The following ERG variants were observed in gnomAD, a reference collection of about 807,000 sequenced individuals.
ERG encodes the protein ETS transcription factor ERG.
ERG carries 9 observed loss-of-function variants against 55.3 expected under a neutral mutation model. The ratio of observed to expected loss-of-function variants is 0.16; its 90% CI spans 0.10 to 0.28. The LOEUF is 0.28. ERG is among the 10% of genes least tolerant of loss of function. The probability of loss-of-function intolerance (pLI) is 1.00; values close to 1 mark genes in which losing one functional copy is unlikely to be tolerated. For synonymous variants in ERG, 223 were observed against 237.3 expected (o/e 0.94, Z 0.55); for missense variants, 434 against 631.6 (o/e 0.69, Z 3.35).
At chr21:38,367,423 G>A in the ERG span, among the ~76,000 whole-genome samples, 4 of 152,168 alleles carry the variant, frequency 2.6e-5, no homozygotes, top group East Asian at 1.9e-4. Context: ...GAGGTTACAC[G>A]AAGGCTTGAC....
At chr21:38,442,658 A>G (rs558152279) in intron 2 of ERG, among the ~76,000 whole-genome samples, 2 of 151,968 alleles carry the variant, frequency 1.3e-5, no homozygotes, top group Admixed American at 1.3e-4. Context: ...CCCAACCTGT[A>G]CCCCTGGGGT....
chr21:38,532,980 C>A (rs886932768), intron 2 of ERG, among the ~76,000 whole-genome samples: 2 of 152,198 alleles, frequency 1.3e-5, no homozygotes, highest in African/African-American at 4.8e-5. Flanking sequence ...GGCACTAGCT[C>A]TTTTTCACCT....
chr21:38,588,479 C>T (rs1010328626), upstream of ERG, among the ~76,000 whole-genome samples: 4 of 152,178 alleles, frequency 2.6e-5, no homozygotes, highest in Non-Finnish European at 4.4e-5. Context: ...AAGCTGAACA[C>T]ATCTGAGTAC....
chr21:38,485,310 G>A (rs1475771665), intron 1 of ERG, among the ~76,000 whole-genome samples: 1 of 152,022 alleles, frequency 6.6e-6, no homozygotes, highest in Non-Finnish European at 1.5e-5. Flanking sequence ...AAATATTTCT[G>A]TACAACTGAA....
chr21:38,537,695 A>G (rs942336943), intron 2 of ERG, among the ~76,000 whole-genome samples: 3 of 152,200 alleles, frequency 2.0e-5, no homozygotes, highest in African/African-American at 7.2e-5. Flanking sequence ...AGATATGGAA[A>G]AGTTGCAAAT....
chr21:38,448,301 T>G (rs566288583), intron 1 of ERG, among the ~76,000 whole-genome samples: 111 of 152,334 alleles, frequency 7.3e-4, no homozygotes, highest in Non-Finnish European at 1.4e-3. Flanking sequence ...ATCTTAAAAT[T>G]CTTCTCACAG....
At chr21:38,440,131 G>A (rs553310115) in intron 2 of ERG, among the ~76,000 whole-genome samples, 20 of 152,252 alleles carry the variant, frequency 1.3e-4, no homozygotes, top group Non-Finnish European at 2.8e-4. Flanking sequence ...TTGACTTCAA[G>A]TGGCATGTGC....
chr21:38,544,360 T>C (rs751927741), intron 2 of ERG, among the ~76,000 whole-genome samples: 2 of 152,130 alleles, frequency 1.3e-5, no homozygotes, highest in Non-Finnish European at 2.9e-5. Context: ...CGGCTCCCTG[T>C]GAAGAACAGA....
At chr21:38,401,603 G>A (rs902305041) in intron 5 of ERG, among the ~76,000 whole-genome samples, 9 of 152,242 alleles carry the variant, frequency 5.9e-5, no homozygotes, top group African/African-American at 1.9e-4. Context: ...GGAAAATTGC[G>A]TATTTCTATG....
intron 2 of ERG, among the ~76,000 whole-genome samples, chr21:38,534,052 C>T (rs1453232719): frequency 2.6e-5 from 4 of 152,158 alleles, no homozygotes; most frequent in Admixed American, 6.6e-5. Flanking sequence ...CTTATACTTA[C>T]ACTGCAACAA....
chr21:38,500,816 CA>C (rs2059415216), upstream of ERG, among the ~76,000 whole-genome samples: 1 of 152,096 alleles, frequency 6.6e-6, no homozygotes, highest in Admixed American at 6.5e-5. Flanking sequence ...TGCATACAAA[CA>C]TAAAAAGTGA....
intron 2 of ERG, among the ~76,000 whole-genome samples, chr21:38,439,742 A>G (rs558472728): frequency 1.3e-5 from 2 of 152,244 alleles, no homozygotes; most frequent in East Asian, 3.9e-4. Flanking sequence ...TTCTTTTATT[A>G]TGCTTTACAG....
intron 1 of ERG, among the ~76,000 whole-genome samples, chr21:38,639,061 G>A (rs971438573): frequency 6.6e-6 from 1 of 152,032 alleles, no homozygotes; most frequent in South Asian, 2.1e-4. Flanking sequence ...CCTTTCCACA[G>A]CTGACAACAG....
At chr21:38,551,985 C>T (rs1420492886) in intron 2 of ERG, among the ~76,000 whole-genome samples, 1 of 152,146 alleles carries the variant, frequency 6.6e-6, no homozygotes, top group Admixed American at 6.5e-5. Flanking sequence ...AAGTCTCTCA[C>T]TAGGTCCCTA....
chr21:38,377,348 C>T (rs1413638210), downstream of ERG, among the ~76,000 whole-genome samples: 2 of 152,332 alleles, frequency 1.3e-5, no homozygotes, highest in African/African-American at 4.8e-5. Flanking sequence ...TGCCAGCCTC[C>T]GCCTCCTGCC....
intron 1 of ERG, among the ~76,000 whole-genome samples, chr21:38,597,506 C>T (rs567283121): frequency 5.9e-5 from 9 of 152,144 alleles, no homozygotes; most frequent in Admixed American, 5.2e-4. Flanking sequence ...CACACGCACA[C>T]AGAGAAAGAG....
intron 2 of ERG, among the ~76,000 whole-genome samples, chr21:38,441,541 C>A (rs538999742): frequency 1.3e-5 from 2 of 152,308 alleles, no homozygotes; most frequent in South Asian, 4.1e-4. Flanking sequence ...CCTATAAGTT[C>A]TATTTCTCTA....
At chr21:38,419,908 T>C (rs556110025) in intron 3 of ERG, among the ~76,000 whole-genome samples, 1 of 152,334 alleles carries the variant, frequency 6.6e-6, no homozygotes, top group South Asian at 2.1e-4. Context: ...CTCTGTGGTT[T>C]TATCTCTCAG....
intron 1 of ERG, among the ~76,000 whole-genome samples, chr21:38,651,517 G>A (rs1490862534): frequency 6.6e-6 from 1 of 152,112 alleles, no homozygotes; most frequent in Non-Finnish European, 1.5e-5. Context: ...AAAAAATAAA[G>A]TCAAATATCT....
Sources: gnomAD v4.1 joint callset for allele counts (sites outside exome capture counted in the v4.1 genomes callset) on GRCh38, gnomAD v4.1.1 for gene constraint, MANE v1.5 for transcripts, NCBI Gene and HGNC (gene_info 2026-07-23, HGNC 2026-07-21) for gene names.